Variants in ZNF30 observed in about 807,000 individuals in gnomAD.
ZNF30 encodes the protein zinc finger protein 30 (KOX 28).
In ZNF30, 15 loss-of-function variants were observed where a neutral mutation model predicts 13.2. That is an observed-to-expected ratio of 1.13 (90% CI 0.76 to 1.75). The LOEUF (loss-of-function observed/expected upper bound fraction) is 1.75. Ranked by LOEUF, ZNF30 falls within the 40% of genes most tolerant of loss-of-function variation. ZNF30 has a pLI of 0.00. For missense variants in ZNF30, 726 were observed against 757.0 expected (o/e 0.96, Z 0.48); for synonymous variants, 223 against 256.6 (o/e 0.87, Z 1.25).
chr19:34,931,210 G>A lies in ZNF30; in HGVS notation c.10-633G>A, dbSNP rs139457856. Among the ~76,000 whole-genome samples, 821 of 151,960 alleles carry A rather than the reference G, an allele frequency of 5.4e-3. 5 individuals carry two copies. The highest frequency in any genetic ancestry group is 0.01 in the Middle Eastern group (3 of 294). On this transcript the variant is annotated intron_variant, in intron 2 of 4. Transcript: ENST00000601142. ...ATGCCACAACGCCCAGCTAATTTTT[G>A]TATTTTTAGTAGAGATGAGTTTCAC... is the stretch of plus-strand genomic sequence containing the variant.
rs759655985 is a variant in ZNF30, at chr19:34,944,643, G to C, written c.1677G>C (p.Gln559His). 1 of 1,614,152 alleles carries C rather than the reference G, an allele frequency of 6.2e-7. No individual in the cohort carries two copies. Reference protein sequence around the residue: ...FTVYGQLIGHQSVHTGEKPFE... With the variant: ...FTVYGQLIGHHSVHTGEKPFE... ...TTTATGGACAACTTATTGGACATCA[G>C]AGTGTTCACACTGGTGAGAAACCTT... is the stretch of plus-strand genomic sequence containing the variant. The change falls in exon 5 of 5, where the codon CAG (glutamine) becomes CAC (histidine). Residue 559 changes from glutamine to histidine, a missense_variant. Physicochemically the swap from Gln to His is conservative, Grantham distance 24. Coordinates refer to ENST00000601142, the MANE Select transcript of ZNF30 (RefSeq NM_194325.3).
In ZNF30 at chr19:34,944,354, A is replaced by C. The variant is rs200744693; in HGVS notation, c.1388A>C (p.Lys463Thr). 1 of 1,614,236 alleles carries C rather than the reference A, an allele frequency of 6.2e-7. No individual in the cohort carries two copies. Among genetic ancestry groups the C allele is most frequent in the East Asian group, 2.2e-5 (1 of 44,888 alleles). ...EKPYECKECGKAFRVHVHLTQ... is the reference protein window; with the variant it reads ...EKPYECKECGTAFRVHVHLTQ... ...CCCTATGAGTGTAAGGAATGTGGCA[A>C]GGCCTTCAGAGTGCACGTACATCTC... The change falls in exon 5 of 5, where the codon AAG becomes ACG. Residue 463 changes from lysine to threonine, a missense_variant. Lys to Thr is a moderately conservative substitution (Grantham distance 78). Coordinates refer to ENST00000601142, the MANE Select transcript of ZNF30 (RefSeq NM_194325.3).
Position 34,931,876 on chromosome 19 carries a change from A to G in ZNF30, c.43A>G (p.Thr15Ala). The change falls in exon 3 of 5, where the codon ACA becomes GCA. Residue 15 changes from threonine (T) to alanine (A), a missense_variant. Transcript: ENST00000601142. The stretch of plus-strand genomic sequence containing the variant: ...GGGTTTGCAGTATCACGGATCAGTG[A>G]CATTTGAGGATGTGGCCATAGCCTT... ...YVGLQYHGSV[T>A]FEDVAIAFSQ... 9 of 1,612,796 alleles carry G rather than the reference A, an allele frequency of 5.6e-6. No individual in the cohort carries two copies. Among genetic ancestry groups the G allele is most frequent in the Non-Finnish European group, 7.6e-6 (9 of 1,179,528 alleles).
Position 34,934,828 on chromosome 19 carries a change from C to A in ZNF30, c.256+1105C>A, listed in dbSNP as rs183259122. Reference sequence around the variant, plus strand: ...ACATAATGAACACAGGGCTTAAAACCTAGATGACGGATTGATGGGTGCAGC... The same window carrying A: ...ACATAATGAACACAGGGCTTAAAACATAGATGACGGATTGATGGGTGCAGC... On this transcript the variant is annotated intron_variant, in intron 4 of 4. Coordinates refer to ENST00000601142, the MANE Select transcript of ZNF30 (RefSeq NM_194325.3). Among the ~76,000 whole-genome samples the A allele has an allele frequency of 1.1e-3, 160 of 152,260 alleles. 2 individuals are homozygous for A. The highest frequency in any genetic ancestry group is 1.9e-4 in the Non-Finnish European group (13 of 68,014).
In ZNF30 at chr19:34,944,496, G is replaced by C; in HGVS notation, c.1530G>C (p.Lys510Asn). 1 of 1,612,996 alleles carries C rather than the reference G, an allele frequency of 6.2e-7. No individual in the cohort carries two copies. The change falls in exon 5 of 5, where the codon AAG becomes AAC. Residue 510 changes from lysine (K) to asparagine (N), a missense_variant. Transcript: ENST00000601142. ...VQHSRIHTGK[K>N]PYECKECGKA... Reference sequence around the variant, plus strand: ...ATAGCAGAATCCATACTGGTAAGAAGCCCTATGAGTGTAAGGAGTGTGGCA... The same window carrying C: ...ATAGCAGAATCCATACTGGTAAGAACCCCTATGAGTGTAAGGAGTGTGGCA...
intron 4 of ZNF30, among the ~76,000 whole-genome samples, chr19:34,942,136 T>C (rs1020391745): frequency 6.6e-6 from 1 of 152,212 alleles, no homozygotes; most frequent in Non-Finnish European, 1.5e-5. Context: ...AGATATTTTA[T>C]TACGATTATT....
intron 4 of ZNF30, among the ~76,000 whole-genome samples, chr19:34,940,683 A>T (rs918112446): frequency 9.9e-5 from 15 of 151,352 alleles, no homozygotes; most frequent in Non-Finnish European, 2.1e-4. Context: ...AAAAAAAAAA[A>T]AAAAAAAAAT....
chr19:34,937,193 A>C (rs1026401132), intron 4 of ZNF30, among the ~76,000 whole-genome samples: 3 of 151,846 alleles, frequency 2.0e-5, no homozygotes, highest in Admixed American at 2.0e-4. Context: ...TTATATTTTT[A>C]GTAGAGATGG....
intron 4 of ZNF30, among the ~76,000 whole-genome samples, chr19:34,934,242 T>C (rs972262074): frequency 1.3e-5 from 2 of 152,126 alleles, no homozygotes; most frequent in Non-Finnish European, 2.9e-5. Context: ...GCTAGAGTGC[T>C]AGCAGGAATT....
upstream of ZNF30, among the ~76,000 whole-genome samples, chr19:34,925,208 C>T (rs1228428625): frequency 2.8e-5 from 4 of 142,402 alleles, no homozygotes; most frequent in Non-Finnish European, 6.1e-5. Context: ...TTTAGCTGTC[C>T]GCAGGCGGCT....
chr19:34,925,121 G>C (rs2012018533), upstream of ZNF30, among the ~76,000 whole-genome samples: 1 of 148,556 alleles, frequency 6.7e-6, no homozygotes. Flanking sequence ...GGCGGGCTGT[G>C]GGGCTCTGAC....
chr19:34,943,113 T>A, intron 4 of ZNF30, 110 bp from the exon 5 acceptor site: 1 of 734,620 alleles, frequency 1.4e-6, no homozygotes. Context: ...GGTGTTTTAA[T>A]ATTACTGAGC....
rs747948118 is a variant in ZNF30 at position 34,943,625 on chromosome 19, C to G, written c.659C>G (p.Thr220Arg). Reference sequence around the variant, plus strand: ...ACTATTAGTGGTAGCTATCAACTTACAGTACATAAGAGTATTCATACTGGG... The same window carrying G: ...ACTATTAGTGGTAGCTATCAACTTAGAGTACATAAGAGTATTCATACTGGG... Reference protein sequence around the residue: ...GKTISGSYQLTVHKSIHTGKK... With the variant: ...GKTISGSYQLRVHKSIHTGKK... The change falls in exon 5 of 5, where the codon ACA becomes AGA. Residue 220 changes from threonine to arginine, a missense_variant. Physicochemically the swap from Thr to Arg is moderately conservative, Grantham distance 71. Transcript: ENST00000601142. The G allele has an allele frequency of 6.2e-7, 1 of 1,613,680 alleles. No homozygotes were observed. Among genetic ancestry groups the G allele is most frequent in the Non-Finnish European group, 8.5e-7 (1 of 1,179,790 alleles).
At chr19:34,938,065 G>T (rs1051756427) in intron 4 of ZNF30, among the ~76,000 whole-genome samples, 2 of 152,082 alleles carry the variant, frequency 1.3e-5, no homozygotes, top group East Asian at 3.9e-4. Flanking sequence ...CAAAGTGCTG[G>T]GATTACAGGT....
chr19:34,944,078 C>T lies in ZNF30; in HGVS notation c.1112C>T (p.Pro371Leu). 1 of 1,613,650 alleles carries T rather than the reference C, an allele frequency of 6.2e-7. No individual in the cohort carries two copies. The highest frequency in any genetic ancestry group is 1.1e-5 in the South Asian group (1 of 91,050). Residue 371 changes from proline (P) to leucine (L), a missense_variant, in exon 5 of 5, where the codon CCC becomes CTC. Coordinates refer to ENST00000601142, the MANE Select transcript of ZNF30 (RefSeq NM_194325.3). ...AHQRIHAEIK[P>L]YGCKECGRTF... ...CAGCGAATTCATGCAGAGATAAAGC[C>T]CTACGGATGCAAGGAATGCGGGAGA... is the stretch of plus-strand genomic sequence containing the variant.
chr19:34,930,010 T>A, intron 2 of ZNF30, 54 bp downstream of exon 2: 2 of 1,543,752 alleles, frequency 1.3e-6, no homozygotes, highest in Non-Finnish European at 1.8e-6. Context: ...CGTGGCTATT[T>A]TCCTTAATTG....
intron 1 of ZNF30, among the ~76,000 whole-genome samples, chr19:34,928,220 A>AAAAAAATATAT (rs1555778254): frequency 5.4e-5 from 4 of 73,410 alleles, no homozygotes; most frequent in Non-Finnish European, 7.7e-5. Flanking sequence ...AAAAAAAAAA[A>AAAAAAATATAT]ATATATATAT....
chr19:34,939,201 A>T, intron 4 of ZNF30, among the ~76,000 whole-genome samples: 1 of 130,592 alleles, frequency 7.7e-6, no homozygotes, highest in Admixed American at 8.4e-5. Context: ...CTTTTCTTTC[A>T]GATGGAGTCT....
rs753931451 is a variant in ZNF30 at position 34,943,391 on chromosome 19, A to G, written c.425A>G (p.His142Arg). 2.5e-6 allele frequency: 4 copies of G among 1,614,026 alleles called. 1 individual carries two copies. The South Asian group carries it at 4.4e-5, about 18-fold the overall frequency. ...DSKPVQHERI[H>R]SSEKPNRCKE... ...AAGCCTGTTCAACATGAAAGAATAC[A>G]TAGTAGTGAAAAACCCAACAGATGT... The change falls in exon 5 of 5, where the codon CAT (histidine) becomes CGT (arginine). Residue 142 changes from histidine (H) to arginine (R), a missense_variant. By Grantham distance (29) the His-to-Arg change is conservative. Transcript: ENST00000601142.
Sources: gnomAD v4.1 joint callset for allele counts (sites outside exome capture counted in the v4.1 genomes callset) on GRCh38, gnomAD v4.1.1 for gene constraint, MANE v1.5 for transcripts, NCBI Gene and HGNC (gene_info 2026-07-23, HGNC 2026-07-21) for gene names.